The following RABGAP1L variants were observed in gnomAD, a reference collection of about 807,000 sequenced individuals.
The protein encoded by RABGAP1L is RAB GTPase activating protein 1 like, also known as rab GTPase-activating protein 1-like.
In RABGAP1L, 63 loss-of-function variants were observed where a neutral mutation model predicts 137.7. The ratio of observed to expected loss-of-function variants is 0.46; its 90% CI spans 0.37 to 0.56. RABGAP1L has a LOEUF of 0.56. Ranked by LOEUF, RABGAP1L falls within the 20% of genes least tolerant of loss-of-function variation. The pLI, the probability that RABGAP1L is intolerant of heterozygous loss-of-function variation, is 0.00. For missense variants in RABGAP1L, 1,095 were observed against 1,244.0 expected (o/e 0.88, Z 1.80); for synonymous variants, 431 against 433.7 (o/e 0.99, Z 0.08).
intron 19 of RABGAP1L, among the ~76,000 whole-genome samples, chr1:174,863,605 G>A (rs1410233763): frequency 1.5e-4 from 22 of 149,168 alleles, no homozygotes; most frequent in Middle Eastern, 3.7e-3. Flanking sequence ...CCCGGGAGGC[G>A]GAGCTTGCAG....
chr1:174,559,221 C>T (rs1414153985), intron 13 of RABGAP1L, among the ~76,000 whole-genome samples: 1 of 152,080 alleles, frequency 6.6e-6, no homozygotes, highest in Non-Finnish European at 1.5e-5. Context: ...TTCTATTGCT[C>T]ATATTATCAT....
intron 13 of RABGAP1L, among the ~76,000 whole-genome samples, chr1:174,490,015 C>G (rs1485593317): frequency 1.3e-5 from 2 of 151,958 alleles, no homozygotes; most frequent in Non-Finnish European, 2.9e-5. Flanking sequence ...TTTGTGTTTT[C>G]TCAAAACAGG....
intron 12 of RABGAP1L, among the ~76,000 whole-genome samples, chr1:174,384,066 T>C (rs955126917): frequency 2.0e-4 from 30 of 152,206 alleles, no homozygotes; most frequent in African/African-American, 6.8e-4. Flanking sequence ...CCAACTGTGG[T>C]ATATTCATTG....
chr1:174,518,443 T>G (rs1192161366), intron 13 of RABGAP1L, among the ~76,000 whole-genome samples: 1 of 152,220 alleles, frequency 6.6e-6, no homozygotes, highest in Non-Finnish European at 1.5e-5. Context: ...TAATACATTG[T>G]AAATGCTATT....
intron 13 of RABGAP1L, among the ~76,000 whole-genome samples, chr1:174,401,041 G>A (rs999412832): frequency 6.6e-6 from 1 of 152,060 alleles, no homozygotes; most frequent in Admixed American, 6.6e-5. Flanking sequence ...AGGAGCTGTA[G>A]ACCAACTGAT....
chr1:174,590,333 TTTC>T (rs1395178861), intron 13 of RABGAP1L, among the ~76,000 whole-genome samples: 1 of 140,708 alleles, frequency 7.1e-6, no homozygotes, highest in African/African-American at 2.7e-5. Context: ...ATTGTTTTTT[TTTC>T]TTTTTTTTTT....
chr1:174,438,732 A>C lies in RABGAP1L; in HGVS notation c.1710+44587A>C, dbSNP rs12033657. Among the ~76,000 whole-genome samples the C allele has an allele frequency of 5.4e-5, 6 of 110,576 alleles. No individual in the cohort carries two copies. The South Asian group carries it at 1.3e-3, about 23-fold the overall frequency. 72.5% of individuals were successfully genotyped at this position (110,576 alleles called of 152,430 possible). A position where few individuals can be genotyped will look rare whatever the true frequency, so the allele number is the denominator to read the frequency against. On this transcript the variant is annotated intron_variant, in intron 13 of 25. Coordinates refer to ENST00000681986, the MANE Select transcript of RABGAP1L (RefSeq NM_001366446.1). ...GACTCTGTCAAAAAAAACCCAAAAA[A>C]AGTGTGTGTGTGTATATATATATAT...
intron 18 of RABGAP1L, among the ~76,000 whole-genome samples, chr1:174,766,798 G>C (rs1255061670): frequency 6.6e-6 from 1 of 152,182 alleles, no homozygotes; most frequent in Non-Finnish European, 1.5e-5. Context: ...TTCAGCCCAT[G>C]ATGGGGGAAG....
In RABGAP1L at chr1:174,597,640, A is replaced by G. The variant is rs188910716; in HGVS notation, c.1711-39735A>G. Among the ~76,000 whole-genome samples the G allele has an allele frequency of 8.5e-5, 13 of 152,092 alleles. No individual in the cohort carries two copies. In the East Asian group the frequency reaches 2.5e-3, roughly 29 times the overall value. ...TACAGGTTTGTTGATTTTGTTTTCA[A>G]AAAACTTTTCGAACTTTTCGAAAAA... On this transcript the variant is annotated intron_variant, in intron 13 of 25. Transcript: ENST00000681986.
At chr1:174,808,109 C>T (rs562169246) in intron 18 of RABGAP1L, among the ~76,000 whole-genome samples, 1 of 151,616 alleles carries the variant, frequency 6.6e-6, no homozygotes, top group South Asian at 2.1e-4. Flanking sequence ...TCAGCCTCCC[C>T]AGTAGCTGGG....
intron 19 of RABGAP1L, among the ~76,000 whole-genome samples, chr1:174,953,699 G>A (rs890246978): frequency 2.6e-5 from 4 of 152,080 alleles, no homozygotes; most frequent in African/African-American, 9.7e-5. Context: ...CATTTTAGAG[G>A]GTCTGTGAAA....
At chr1:174,923,023 C>T (rs1291849984) in intron 19 of RABGAP1L, among the ~76,000 whole-genome samples, 1 of 151,876 alleles carries the variant, frequency 6.6e-6, no homozygotes, top group Non-Finnish European at 1.5e-5. Context: ...AAATATCAAA[C>T]AGCCAAGTAT....
chr1:174,211,108 A>G (rs1007694116), intron 1 of RABGAP1L, among the ~76,000 whole-genome samples: 2 of 152,230 alleles, frequency 1.3e-5, no homozygotes, highest in African/African-American at 2.4e-5. Context: ...TCAACCAGAA[A>G]GAAAAGAACG....
At chr1:174,489,839 A>G (rs1449516803) in intron 13 of RABGAP1L, among the ~76,000 whole-genome samples, 1 of 152,152 alleles carries the variant, frequency 6.6e-6, no homozygotes, top group Non-Finnish European at 1.5e-5. Context: ...ACTATGGAGT[A>G]CTATACAAAT....
chr1:174,872,840 T>C (rs915907613), intron 19 of RABGAP1L, among the ~76,000 whole-genome samples: 1 of 152,138 alleles, frequency 6.6e-6, no homozygotes, highest in African/African-American at 2.4e-5. Flanking sequence ...GCCTTTCTTA[T>C]AGTTATTTAT....
intron 13 of RABGAP1L, among the ~76,000 whole-genome samples, chr1:174,454,544 CTG>C (rs1655812714): frequency 1.4e-5 from 2 of 141,784 alleles, no homozygotes; most frequent in Admixed American, 7.1e-5. Context: ...ATCTCAATCA[CTG>C]TAGGATTTTT....
At chr1:174,607,175 C>A (rs938040921) in intron 13 of RABGAP1L, among the ~76,000 whole-genome samples, 2 of 152,174 alleles carry the variant, frequency 1.3e-5, no homozygotes, top group African/African-American at 4.8e-5. Context: ...TTTTAACTGT[C>A]ACCCCTAAAT....
At chr1:174,386,833 A>C (rs1686836658) in intron 12 of RABGAP1L, among the ~76,000 whole-genome samples, 1 of 152,104 alleles carries the variant, frequency 6.6e-6, no homozygotes, top group Non-Finnish European at 1.5e-5. Flanking sequence ...GAGCATGTAG[A>C]AGTTCTAGTG....
intron 13 of RABGAP1L, among the ~76,000 whole-genome samples, chr1:174,480,728 T>A (rs934172098): frequency 1.3e-5 from 2 of 152,242 alleles, no homozygotes; most frequent in Non-Finnish European, 2.9e-5. Context: ...AAATGCTTTA[T>A]GGTCACAGAG....
Sources: gnomAD v4.1 joint callset for allele counts (sites outside exome capture counted in the v4.1 genomes callset) on GRCh38, gnomAD v4.1.1 for gene constraint, MANE v1.5 for transcripts, NCBI Gene and HGNC (gene_info 2026-07-23, HGNC 2026-07-21) for gene names.